Variants in ABCC3 observed in about 807,000 individuals in gnomAD.
ABCC3 encodes ATP-binding cassette sub-family C member 3.
Under a neutral mutation model 165.3 loss-of-function variants are expected in ABCC3, and 121 were observed. The ratio of observed to expected loss-of-function variants is 0.73; its 90% CI spans 0.63 to 0.85. ABCC3 has a LOEUF of 0.85. Ranked by LOEUF, ABCC3 falls within the 40% of genes least tolerant of loss-of-function variation. The pLI, the probability that ABCC3 is intolerant of heterozygous loss-of-function variation, is 0.00. For missense variants in ABCC3, 1,869 were observed against 1,964.1 expected (o/e 0.95, Z 0.92); for synonymous variants, 733 against 810.1 (o/e 0.90, Z 1.62).
Position 50,658,444 on chromosome 17 carries a change from C to T in ABCC3, c.622C>T (p.Pro208Ser), listed in dbSNP as rs764069245. The change falls in exon 6 of 31, where the codon CCT becomes TCT. Residue 208 changes from proline (P) to serine (S), a missense_variant. By Grantham distance (74) the Pro-to-Ser change is moderately conservative. Transcript: ENST00000285238. ...TTCTCTCGCCTTCTAGAACCCCTAC[C>T]CTGAGACCAGCGCTGGCTTTCTCTC... Reference protein sequence around the residue: ...SAKNVDPNPYPETSAGFLSRL... With the variant: ...SAKNVDPNPYSETSAGFLSRL... 28 of 1,613,996 alleles carry T rather than the reference C, an allele frequency of 1.7e-5. No individual in the cohort carries two copies. Among genetic ancestry groups the T allele is most frequent in the Non-Finnish European group, 8.5e-7 (1 of 1,179,962 alleles).
intron 23 of ABCC3, 35 bp from the exon 24 acceptor site, chr17:50,677,709 T>A (rs572858208): frequency 1.3e-6 from 2 of 1,599,586 alleles, no homozygotes; most frequent in East Asian, 4.5e-5. Flanking sequence ...GGGGGTTCCA[T>A]GGCCCTGACC....
At chr17:50,682,840 C>T (rs781712494) in intron 26 of ABCC3, among the ~76,000 whole-genome samples, 14 of 152,126 alleles carry the variant, frequency 9.2e-5, no homozygotes, top group Non-Finnish European at 1.8e-4. Flanking sequence ...CACTGGGCTG[C>T]CACCCAGTAA....
Position 50,683,630 on chromosome 17 carries a change from C to T in ABCC3, c.3828C>T (p.Gly1276=). The T allele has an allele frequency of 6.3e-7, 1 of 1,584,566 alleles. No individual in the cohort carries two copies. Among genetic ancestry groups the T allele is most frequent in the Middle Eastern group, 1.7e-4 (1 of 5,916 alleles). ...GCCAGGCGCCCTGGGTGGTGGAAGGCAGCCGCCCTCCCGAAGGTTGGCCCC... is the reference window on the plus strand; with the variant it reads ...GCCAGGCGCCCTGGGTGGTGGAAGGTAGCCGCCCTCCCGAAGGTTGGCCCC... ...TETEAPWVVE[G]SRPPEGWPPR... The change falls in exon 27 of 31, where the codon GGC becomes GGT. Residue 1276 remains glycine, a synonymous_variant. Transcript: ENST00000285238.
At chr17:50,655,772 C>A (rs1967225851) in intron 1 of ABCC3, 60 bp from the exon 2 acceptor site, 3 of 1,531,480 alleles carry the variant, frequency 2.0e-6, no homozygotes, top group Non-Finnish European at 2.7e-6. Context: ...CCATCTTCCT[C>A]AAGGCAGCCC....
intron 1 of ABCC3, chr17:50,635,478 T>G: frequency 1.4e-6 from 1 of 702,580 alleles, no homozygotes; most frequent in East Asian, 2.7e-5. Flanking sequence ...CTGTGCAGTG[T>G]CCCACCCTTC....
At chr17:50,647,324 A>G (rs1274171508) in intron 1 of ABCC3, among the ~76,000 whole-genome samples, 1 of 152,220 alleles carries the variant, frequency 6.6e-6, no homozygotes, top group African/African-American at 2.4e-5. Context: ...TAGCTGGCAG[A>G]ATGGTGATGC....
intron 3 of ABCC3, 76 bp from the exon 4 acceptor site, chr17:50,656,970 C>G: frequency 6.4e-7 from 1 of 1,564,798 alleles, no homozygotes; most frequent in Non-Finnish European, 8.6e-7. Flanking sequence ...AACTTCTGGC[C>G]ATGTGGGATG....
chr17:50,667,449 G>A (rs953447469), intron 11 of ABCC3, 105 bp from the exon 12 acceptor site: 59 of 1,045,096 alleles, frequency 5.6e-5, no homozygotes, highest in African/African-American at 9.4e-5. Context: ...GGTGGGCAGC[G>A]TGGAATGGCT....
intron 17 of ABCC3, among the ~76,000 whole-genome samples, chr17:50,671,999 G>C (rs1489829675): frequency 1.3e-5 from 2 of 151,864 alleles, no homozygotes; most frequent in Non-Finnish European, 2.9e-5. Context: ...TGGGATTACA[G>C]GCATGAGCCA....
chr17:50,661,195 C>T (rs1967377130), intron 8 of ABCC3, 81 bp downstream of exon 8: 2 of 1,410,316 alleles, frequency 1.4e-6, no homozygotes, highest in Admixed American at 4.7e-5. Flanking sequence ...GAACAACGTA[C>T]AGTGAAAAGA....
chr17:50,669,009 A>G (rs1567833454), intron 15 of ABCC3, 90 bp downstream of exon 15: 2 of 1,594,914 alleles, frequency 1.3e-6, no homozygotes, highest in Non-Finnish European at 1.7e-6. Flanking sequence ...TTTGACCAAG[A>G]ATGCAGGAAG....
In ABCC3 at chr17:50,678,085, C is replaced by A. The variant is rs749682475; in HGVS notation, c.3579-8C>A. 8 of 1,607,632 alleles carry A rather than the reference C, an allele frequency of 5.0e-6. No individual in the cohort carries two copies. On this transcript the variant is annotated splice_polypyrimidine_tract_variant and splice_region_variant and intron_variant, in intron 24 of 30. Coordinates refer to ENST00000285238, the MANE Select transcript of ABCC3 (RefSeq NM_003786.4). ...TGCCCCATTTCCTCCTCATCTGATC[C>A]CCCATAGGTGGCTGAGCATCGGAGT...
intron 15 of ABCC3, 21 bp downstream of exon 15, chr17:50,668,940 C>T (rs1157811112): frequency 6.2e-7 from 1 of 1,613,232 alleles, no homozygotes; most frequent in African/African-American, 1.3e-5. Flanking sequence ...CTCCCACTCC[C>T]TTCCCAGCTG....
In ABCC3 at chr17:50,669,370, C is replaced by T; in HGVS notation, c.2083C>T (p.Pro695Ser). Residue 695 changes from proline to serine, a missense_variant, in exon 17 of 31, where the codon CCC (proline) becomes TCC (serine). Coordinates refer to ENST00000285238, the MANE Select transcript of ABCC3 (RefSeq NM_003786.4). The part of the protein sequence containing the change: ...VHMKGSVAYV[P>S]QQAWIQNCTL... The stretch of plus-strand genomic sequence containing the variant: ...TGGCCAGGGCTCCGTGGCCTATGTG[C>T]CCCAGCAGGCATGGATCCAGAACTG... 1 of 1,614,226 alleles carries T rather than the reference C, an allele frequency of 6.2e-7. No homozygotes were observed. The highest frequency in any genetic ancestry group is 8.5e-7 in the Non-Finnish European group (1 of 1,180,040).
At chr17:50,686,126 G>A (rs148818305) in intron 29 of ABCC3, among the ~76,000 whole-genome samples, 87 of 151,512 alleles carry the variant, frequency 5.7e-4, no homozygotes, top group African/African-American at 1.7e-3. Context: ...CCCTGGAGGC[G>A]GAGGTTGCAG....
intron 3 of ABCC3, 60 bp downstream of exon 3, chr17:50,656,887 A>G (rs1967263133): frequency 1.1e-5 from 17 of 1,559,902 alleles, no homozygotes; most frequent in Non-Finnish European, 1.3e-5. Flanking sequence ...GTGGACTGTG[A>G]TAGGGAAACT....
intron 1 of ABCC3, among the ~76,000 whole-genome samples, chr17:50,640,550 G>A (rs552141318): frequency 2.6e-5 from 4 of 152,260 alleles, no homozygotes; most frequent in Non-Finnish European, 5.9e-5. Flanking sequence ...AAGGAGTCTC[G>A]CTCTGCCACC....
intron 10 of ABCC3, 51 bp from the exon 11 acceptor site, chr17:50,665,102 G>A (rs1221299198): frequency 6.5e-7 from 1 of 1,532,846 alleles, no homozygotes; most frequent in Admixed American, 1.7e-5. Flanking sequence ...TCTCTCTGTA[G>A]ACTTTGGTAA....
intron 17 of ABCC3, among the ~76,000 whole-genome samples, chr17:50,671,652 C>T (rs1967647888): frequency 1.3e-5 from 2 of 150,568 alleles, no homozygotes; most frequent in East Asian, 3.9e-4. Context: ...ACAGGGCATC[C>T]CATGGCAAGG....
Sources: allele counts gnomAD v4.1 joint callset (sites outside exome capture counted in the v4.1 genomes callset), GRCh38; gene constraint gnomAD v4.1.1; transcripts MANE v1.5; gene names NCBI Gene and HGNC (gene_info 2026-07-23, HGNC 2026-07-21).